PADI6: variants seen among roughly 807,000 people sequenced by gnomAD.
PADI6 encodes the protein peptidyl arginine deiminase 6, also known as inactive protein-arginine deiminase type-6.
In PADI6, 66 loss-of-function variants were observed where a neutral mutation model predicts 78.2. The observed-to-expected ratio is 0.84, with a 90% confidence interval of 0.69 to 1.04. The LOEUF (loss-of-function observed/expected upper bound fraction) is 1.04, where lower values mean the gene tolerates loss of function less well. Ranked by LOEUF, PADI6 falls within the 50% of genes least tolerant of loss-of-function variation. The pLI is 0.00. For missense variants in PADI6, 854 were observed against 866.1 expected, an observed-to-expected ratio of 0.99 and a Z score of 0.18; for synonymous variants, 397 against 346.9, an observed-to-expected ratio of 1.14 and a Z score of -1.60.
At position 17,392,208 on chromosome 1, in the gene PADI6, C is replaced by CT. The variant is rs1205546712; in HGVS notation, c.1058dup (p.Arg355GlnfsTer6). The CT allele has an allele frequency of 6.4e-7, 1 of 1,556,182 alleles. No homozygotes were observed. The highest frequency in any genetic ancestry group is 8.7e-7 in the Non-Finnish European group (1 of 1,149,646). On this transcript the variant is annotated frameshift_variant, in exon 9 of 16. Coordinates refer to ENST00000619609, the MANE Select transcript of PADI6 (RefSeq NM_207421.4). LOFTEE classifies it high-confidence loss of function. ...ATCTGTCTATGAGGACCCCAACCGC[C>CT]TGGGCAGGTGGCTCCAGGTAACACC...
At chr1:17,392,822 G>T (rs1421268919) in intron 9 of PADI6, among the ~76,000 whole-genome samples, 4 of 152,180 alleles carry the variant, frequency 2.6e-5, no homozygotes, top group Non-Finnish European at 4.4e-5. Flanking sequence ...ACAAGGAGCT[G>T]GCCATGCAGA....
At chr1:17,380,591 G>A (rs1219686288) in intron 4 of PADI6, among the ~76,000 whole-genome samples, 2 of 152,062 alleles carry the variant, frequency 1.3e-5, no homozygotes, top group East Asian at 1.9e-4. Flanking sequence ...GGATGGTCTC[G>A]AAATCCTGAT....
At chr1:17,393,385 C>G (rs1161116243) in intron 9 of PADI6, among the ~76,000 whole-genome samples, 1 of 152,152 alleles carries the variant, frequency 6.6e-6, no homozygotes, top group Non-Finnish European at 1.5e-5. Context: ...AGAATAGAAG[C>G]GAAACTGGAA....
chr1:17,381,923 T>C, intron 5 of PADI6, 44 bp from the exon 6 acceptor site: 2 of 1,611,186 alleles, frequency 1.2e-6, no homozygotes, highest in Non-Finnish European at 1.7e-6. Flanking sequence ...CCCAGAGTGC[T>C]GGCCTCCAGA....
chr1:17,384,825 A>G (rs902951614), intron 6 of PADI6, among the ~76,000 whole-genome samples: 3 of 152,216 alleles, frequency 2.0e-5, no homozygotes, highest in Non-Finnish European at 4.4e-5. Flanking sequence ...TGACCCTGAT[A>G]ATAACAGTGA....
At chr1:17,386,351 A>G (rs1202250445) in intron 6 of PADI6, among the ~76,000 whole-genome samples, 2 of 152,330 alleles carry the variant, frequency 1.3e-5, no homozygotes, top group South Asian at 2.1e-4. Context: ...AAGGTCAACC[A>G]CAGGAGAGCC....
chr1:17,391,332 G>A (rs542228561), intron 8 of PADI6, among the ~76,000 whole-genome samples: 5 of 152,180 alleles, frequency 3.3e-5, no homozygotes, highest in Non-Finnish European at 5.9e-5. Context: ...CAATTCTCCT[G>A]CCTCAGCCTC....
intron 3 of PADI6, among the ~76,000 whole-genome samples, chr1:17,379,493 G>A (rs2075051926): frequency 6.6e-6 from 1 of 152,164 alleles, no homozygotes; most frequent in African/African-American, 2.4e-5. Flanking sequence ...CTGACCTTAA[G>A]TGATCCATCC....
At position 17,394,912 on chromosome 1, in the gene PADI6, A is replaced by G. The variant is rs769981856; in HGVS notation, c.1338-39A>G. Reference sequence around the variant, plus strand: ...AGTGGCGGGTGACCAGCCCTGGGCCACACTGGCTCAAGAGCTGTTCTTTCC... The same window carrying G: ...AGTGGCGGGTGACCAGCCCTGGGCCGCACTGGCTCAAGAGCTGTTCTTTCC... On this transcript the variant is annotated intron_variant, in intron 11 of 15. Transcript: ENST00000619609. 3.7e-5 allele frequency: 57 copies of G among 1,542,984 alleles called. No homozygotes were observed. In the Middle Eastern group the frequency reaches 9.4e-4, roughly 25 times the overall value.
chr1:17,392,312 GTTAACC>G (rs1447355298), intron 9 of PADI6, 87 bp downstream of exon 9: 4 of 1,026,458 alleles, frequency 3.9e-6, no homozygotes, highest in Non-Finnish European at 5.8e-6. Flanking sequence ...CAGGCTTCTG[GTTAACC>G]TTAAAGACCG....
At chr1:17,388,022 T>C (rs1161738286) in intron 6 of PADI6, among the ~76,000 whole-genome samples, 1 of 152,206 alleles carries the variant, frequency 6.6e-6, no homozygotes, top group Non-Finnish European at 1.5e-5. Flanking sequence ...TTCTCACCTT[T>C]AGGACTCTGA....
intron 9 of PADI6, among the ~76,000 whole-genome samples, chr1:17,392,974 T>C (rs1048818803): frequency 1.7e-4 from 26 of 151,676 alleles, no homozygotes; most frequent in African/African-American, 5.8e-4. Context: ...CAAAATACTG[T>C]CTCTACTAAA....
chr1:17,389,148 A>C (rs1019186354), intron 8 of PADI6, among the ~76,000 whole-genome samples: 11 of 152,212 alleles, frequency 7.2e-5, no homozygotes, highest in Non-Finnish European at 1.6e-4. Context: ...AGTGCTCTAA[A>C]GCAGGGTGAA....
At chr1:17,396,773 T>A (rs1299663542) in intron 13 of PADI6, among the ~76,000 whole-genome samples, 1 of 152,190 alleles carries the variant, frequency 6.6e-6, no homozygotes, top group African/African-American at 2.4e-5. Flanking sequence ...GCTGAAGTCA[T>A]CCTAACAAGC....
chr1:17,397,951 A>G (rs1029147911), intron 14 of PADI6, among the ~76,000 whole-genome samples: 2 of 152,130 alleles, frequency 1.3e-5, no homozygotes, highest in African/African-American at 4.8e-5. Context: ...TGCTTTCTGG[A>G]TGAAGTGGCC....
intron 13 of PADI6, 134 bp from the exon 14 acceptor site, chr1:17,396,937 A>C (rs1278025501): frequency 2.6e-6 from 2 of 761,754 alleles, no homozygotes; most frequent in East Asian, 2.7e-5. Context: ...ATCCCTGGAG[A>C]TAGGCCAGTC....
At chr1:17,387,760 T>C (rs907783837) in intron 6 of PADI6, among the ~76,000 whole-genome samples, 1 of 152,078 alleles carries the variant, frequency 6.6e-6, no homozygotes, top group Admixed American at 6.6e-5. Flanking sequence ...CAAAAACACC[T>C]TTAGGATCTA....
At chr1:17,388,901 C>T (rs752599912) in intron 8 of PADI6, 21 bp downstream of exon 8, 6 of 1,592,910 alleles carry the variant, frequency 3.8e-6, no homozygotes, top group Admixed American at 1.7e-5. Flanking sequence ...ATCAGGCTGA[C>T]TGTGCCAGGC....
intron 11 of PADI6, among the ~76,000 whole-genome samples, chr1:17,394,669 T>C (rs752301422): frequency 5.9e-5 from 9 of 152,192 alleles, no homozygotes; most frequent in Non-Finnish European, 1.3e-4. Context: ...AAGTGAAATT[T>C]GGTCCACCAG....
Sources: gnomAD v4.1 joint callset for allele counts (sites outside exome capture counted in the v4.1 genomes callset) on GRCh38, gnomAD v4.1.1 for gene constraint, MANE v1.5 for transcripts, NCBI Gene and HGNC (gene_info 2026-07-23, HGNC 2026-07-21) for gene names.